SUPT20H: variants seen among roughly 807,000 people sequenced by gnomAD.
The protein encoded by SUPT20H is SPT20 homolog, SAGA complex component, also known as transcription factor SPT20 homolog.
In SUPT20H, 82 loss-of-function variants were observed where a neutral mutation model predicts 122.8. The ratio of observed to expected loss-of-function variants is 0.67; its 90% CI spans 0.56 to 0.80. The LOEUF is 0.80. Among genes scored for constraint, SUPT20H ranks in the 30% least tolerant of loss-of-function variants. The pLI is 0.00. For missense variants in SUPT20H, 831 were observed against 921.6 expected (o/e 0.90, Z 1.27); for synonymous variants, 291 against 313.0 (o/e 0.93, Z 0.74).
intron 12 of SUPT20H, 94 bp downstream of exon 12, chr13:37,031,473 G>A: frequency 2.6e-6 from 2 of 775,654 alleles, no homozygotes; most frequent in Non-Finnish European, 3.9e-6. Flanking sequence ...TGTTTTTAAA[G>A]TAAGTTTTTT....
At chr13:37,027,609 A>C (rs1594129778) in intron 14 of SUPT20H, among the ~76,000 whole-genome samples, 1 of 152,250 alleles carries the variant, frequency 6.6e-6, no homozygotes, top group East Asian at 1.9e-4. Context: ...CAATTTGATT[A>C]AAAAAACCAA....
At chr13:37,034,123 A>C (rs1019520952) in intron 9 of SUPT20H, among the ~76,000 whole-genome samples, 2 of 152,162 alleles carry the variant, frequency 1.3e-5, no homozygotes, top group African/African-American at 4.8e-5. Context: ...AAACATTATA[A>C]TATTTAAATT....
At position 37,050,486 on chromosome 13, in the gene SUPT20H, A is replaced by G. The variant is rs146252920; in HGVS notation, c.3+1002T>C. ...TGAAAACATAATTCTGTACATATAC[A>G]CTTCACAAATACAGAAGGTTCTTTT... On this transcript the variant is annotated intron_variant, in intron 2 of 25. Coordinates refer to ENST00000350612, the MANE Select transcript of SUPT20H (RefSeq NM_001014286.3). 1.2e-3 allele frequency among the ~76,000 whole-genome samples: 186 copies of G among 152,188 alleles called. 1 individual carries two copies. The highest frequency in any genetic ancestry group is 4.3e-3 in the African/African-American group (179 of 41,538).
chr13:37,017,698 A>G (rs1341279706), intron 22 of SUPT20H, among the ~76,000 whole-genome samples: 1 of 152,218 alleles, frequency 6.6e-6, no homozygotes, highest in Non-Finnish European at 1.5e-5. Context: ...ATACATTAGA[A>G]AGTACAAACA....
intron 1 of SUPT20H, among the ~76,000 whole-genome samples, chr13:37,053,754 G>A (rs1001492092): frequency 1.3e-5 from 2 of 150,204 alleles, no homozygotes; most frequent in African/African-American, 2.4e-5. Context: ...AAAACAAAAC[G>A]AAACCTCACT....
chr13:37,024,527 T>C (rs1031990086), intron 17 of SUPT20H, 85 bp from the exon 18 acceptor site: 2 of 951,602 alleles, frequency 2.1e-6, no homozygotes, highest in Non-Finnish European at 2.9e-6. Flanking sequence ...CTTCATAGTT[T>C]ATTAAATAAA....
intron 9 of SUPT20H, among the ~76,000 whole-genome samples, chr13:37,035,274 T>C (rs1177386741): frequency 6.6e-6 from 1 of 152,218 alleles, no homozygotes; most frequent in Non-Finnish European, 1.5e-5. Flanking sequence ...TAGATGACAC[T>C]AAGAACATGC....
At chr13:37,012,171 T>C in intron 24 of SUPT20H, 21 bp downstream of exon 24, 8 of 1,566,976 alleles carry the variant, frequency 5.1e-6, no homozygotes, top group Non-Finnish European at 6.1e-6. Context: ...ATTCAGCATA[T>C]AAAGTTATGA....
intron 23 of SUPT20H, chr13:37,013,073 T>A (rs1418949051): frequency 6.6e-6 from 1 of 152,120 alleles, no homozygotes; most frequent in East Asian, 1.9e-4. Flanking sequence ...CTCAATTCTT[T>A]TAGAAATGCT....
chr13:37,019,649 C>CA (rs1323422140), intron 21 of SUPT20H, among the ~76,000 whole-genome samples: 4 of 152,124 alleles, frequency 2.6e-5, no homozygotes, highest in South Asian at 4.1e-4. Context: ...ACTTCTTTTT[C>CA]ATTCTTCTGA....
chr13:37,048,468 T>C (rs2066941355), intron 3 of SUPT20H, 96 bp downstream of exon 3: 2 of 1,110,074 alleles, frequency 1.8e-6, no homozygotes, highest in South Asian at 3.5e-5. Flanking sequence ...AATAGTAATG[T>C]GCTCCTTTAA....
At position 37,026,888 on chromosome 13, in the gene SUPT20H, AG is replaced by A. The variant is rs1366995696; in HGVS notation, c.1152-73del. 4.0e-6 allele frequency: 4 copies of A among 992,726 alleles called. No homozygotes were observed. In the African/African-American group the frequency reaches 6.9e-5, roughly 17 times the overall value. The allele number at this position is 992,726 out of a possible 1,614,324, so 61.5% of individuals were successfully genotyped here. A position where few individuals can be genotyped will look rare whatever the true frequency, so the allele number is the denominator to read the frequency against. On this transcript the variant is annotated intron_variant, in intron 14 of 25. Transcript: ENST00000350612. The stretch of plus-strand genomic sequence containing the variant: ...TTTAACTTCATAGTTTATTAAATAA[AG>A]TATTTTATGAATATGGAAGAATGAC...
intron 15 of SUPT20H, 96 bp from the exon 16 acceptor site, chr13:37,026,332 C>A: frequency 1.1e-6 from 1 of 950,488 alleles, no homozygotes; most frequent in South Asian, 3.1e-5. Context: ...ATGTTTTAGT[C>A]ACAGTAATAT....
intron 23 of SUPT20H, among the ~76,000 whole-genome samples, chr13:37,014,510 C>G (rs889626197): frequency 1.3e-5 from 2 of 151,926 alleles, no homozygotes; most frequent in African/African-American, 4.8e-5. Flanking sequence ...CTTAAAAGAA[C>G]CAAAAATATG....
rs1010175018 is a variant in SUPT20H at position 37,013,301 on chromosome 13, A to G, written c.1993-1004T>C. On this transcript the variant is annotated intron_variant, in intron 23 of 25. Transcript: ENST00000350612. ...AACCTAGAAATAGACCCACTCAAAT[A>G]GACCCAACTGACTTTTAACAAATGT... is the stretch of plus-strand genomic sequence containing the variant. 2.0e-5 allele frequency: 3 copies of G among 152,112 alleles called. No individual in the cohort carries two copies. The East Asian group carries it at 5.8e-4, about 29-fold the overall frequency. 9.4% of individuals were successfully genotyped at this position (152,112 alleles called of 1,614,324 possible). A position where few individuals can be genotyped will look rare whatever the true frequency, so the allele number is the denominator to read the frequency against.
In SUPT20H at chr13:37,009,492, AGTTT is replaced by A; in HGVS notation, c.*176_*179del. 1.2e-6 allele frequency: 1 copy of A among 860,914 alleles called. No homozygotes were observed. The highest frequency in any genetic ancestry group is 1.7e-5 in the African/African-American group (1 of 58,686). The allele number at this position is 860,914 out of a possible 1,614,324, so 53.3% of individuals were successfully genotyped here. On this transcript the variant is annotated 3_prime_UTR_variant, in exon 26 of 26. Coordinates refer to ENST00000350612, the MANE Select transcript of SUPT20H (RefSeq NM_001014286.3). ...GCAATGACTTAGGCAAACCAACCCT[AGTTT>A]GTTAAACCATTTCCCTGTTTTTATT...
chr13:37,055,442 G>C (rs1394464598), intron 1 of SUPT20H, among the ~76,000 whole-genome samples: 1 of 152,106 alleles, frequency 6.6e-6, no homozygotes, highest in Non-Finnish European at 1.5e-5. Context: ...GAACAGAACA[G>C]AGCCCTCAGA....
In SUPT20H at chr13:37,009,329, T is replaced by TAA. The variant is rs767735943; in HGVS notation, c.*341_*342dup. ...CCACCACATTTTCAAAACAGATTTG[T>TAA]AAAAATTGTATTTGTTAACACTGTG... On this transcript the variant is annotated 3_prime_UTR_variant, in exon 26 of 26. Transcript: ENST00000350612. 1 of 1,285,832 alleles carries TAA rather than the reference T, an allele frequency of 7.8e-7. No individual in the cohort carries two copies. The highest frequency in any genetic ancestry group is 1.8e-5 in the Admixed American group (1 of 55,286). The allele number at this position is 1,285,832 out of a possible 1,614,324, so 79.7% of individuals were successfully genotyped here. A position where few individuals can be genotyped will look rare whatever the true frequency, so the allele number is the denominator to read the frequency against.
chr13:37,019,069 T>C (rs904794084), intron 22 of SUPT20H, among the ~76,000 whole-genome samples: 1 of 152,240 alleles, frequency 6.6e-6, no homozygotes, highest in African/African-American at 2.4e-5. Context: ...ATTATTATTG[T>C]AGGGAAGTAT....
Sources: gnomAD v4.1 joint callset for allele counts (sites outside exome capture counted in the v4.1 genomes callset) on GRCh38, gnomAD v4.1.1 for gene constraint, MANE v1.5 for transcripts, NCBI Gene and HGNC (gene_info 2026-07-23, HGNC 2026-07-21) for gene names.